Variants in SMARCA4 observed in about 807,000 individuals in gnomAD.
SMARCA4 encodes the protein SWI/SNF related BAF chromatin remodeling complex subunit ATPase 4, also known as SWI/SNF-related matrix-associated actin-dependent regulator of chromatin subfamily A member 4.
A neutral mutation model predicts 193.9 loss-of-function variants in SMARCA4; 31 were observed. That is an observed-to-expected ratio of 0.16 (90% CI 0.12 to 0.22). SMARCA4 has a LOEUF of 0.22. Among genes scored for constraint, SMARCA4 ranks in the 10% least tolerant of loss-of-function variants. The probability of loss-of-function intolerance (pLI) is 1.00; values close to 1 mark genes in which losing one functional copy is unlikely to be tolerated. For missense variants in SMARCA4, 1,148 were observed against 2,296.0 expected (o/e 0.50, Z 10.22); for synonymous variants, 942 against 933.1 (o/e 1.01, Z -0.17).
At position 11,035,114 on chromosome 19, in the gene SMARCA4, G is replaced by T. The variant is rs372620534; in HGVS notation, c.4152G>T (p.Thr1384=). ...RKEVDYSDSL[T]EKQWLKAIEE... is the part of the protein sequence containing the mutation. ...AGGTGGACTACAGCGACTCACTGAC[G>T]GAGAAGCAGTGGCTCAAGGTACATG... The change falls in exon 29 of 35, where the codon ACG becomes ACT. Residue 1384 remains threonine, a synonymous_variant. Transcript: ENST00000344626. 2 of 1,612,526 alleles carry T rather than the reference G, an allele frequency of 1.2e-6. No individual in the cohort carries two copies. The highest frequency in any genetic ancestry group is 1.7e-6 in the Non-Finnish European group (2 of 1,179,748).
intron 32 of SMARCA4, chr19:11,059,221 C>T: frequency 3.0e-6 from 1 of 330,862 alleles, no homozygotes; most frequent in East Asian, 7.0e-5. Flanking sequence ...AAGAAATAGA[C>T]TCAGAGTCCT....
chr19:10,995,997 A>G, intron 9 of SMARCA4: 2 of 635,510 alleles, frequency 3.1e-6, no homozygotes, highest in East Asian at 5.8e-5. Flanking sequence ...TGCTGGCGGG[A>G]CTGTCTGCCT....
chr19:11,052,931 G>A (rs1273558258), intron 30 of SMARCA4, among the ~76,000 whole-genome samples: 6 of 152,182 alleles, frequency 3.9e-5, no homozygotes, highest in Admixed American at 1.3e-4. Flanking sequence ...GCCAGTCCCC[G>A]CCTCGCAGTG....
chr19:11,010,659 C>T, intron 15 of SMARCA4, 128 bp downstream of exon 15: 1 of 874,812 alleles, frequency 1.1e-6, no homozygotes, highest in Non-Finnish European at 1.9e-6. Context: ...ATGCACTCTT[C>T]CCCTCTGAGC....
At chr19:11,015,180 C>G (rs183332195) in intron 16 of SMARCA4, among the ~76,000 whole-genome samples, 45 of 152,296 alleles carry the variant, frequency 3.0e-4, no homozygotes, top group Admixed American at 2.9e-3. Context: ...CCCATCTTCC[C>G]CATTCTTTCA....
In SMARCA4 at chr19:10,984,865, T is replaced by G. The variant is rs113784954; in HGVS notation, c.223-408T>G. Among the ~76,000 whole-genome samples, 47 of 152,208 alleles carry G rather than the reference T, an allele frequency of 3.1e-4. No homozygotes were observed. Among genetic ancestry groups the G allele is most frequent in the Admixed American group, 5.2e-4 (8 of 15,280 alleles). ...TCAGTCAGCAAGGTGGAGAAGGCTC[T>G]TTATGGTCACAAGTCTCTTTTGCAT... On this transcript the variant is annotated intron_variant, in intron 2 of 34. Coordinates refer to ENST00000344626, the MANE Select transcript of SMARCA4 (RefSeq NM_003072.5). The surrounding 1 kb of genome is among the most constrained non-coding windows in gnomAD (Gnocchi z 4.3).
rs371333915 is a variant in SMARCA4, at chr19:11,002,819, A to G, written c.1813-210A>G. 0.046 allele frequency among the ~76,000 whole-genome samples: 7,014 copies of G among 151,106 alleles called. 223 individuals carry two copies. The highest frequency in any genetic ancestry group is 0.1 in the South Asian group (501 of 4,782). On this transcript the variant is annotated intron_variant, in intron 11 of 34. Coordinates refer to ENST00000344626, the MANE Select transcript of SMARCA4 (RefSeq NM_003072.5). ...CGTCTCAAAAAAAAAAAAAAAAAAAAAAGAAGAAACAAGTGTCAGCCAAGG... is the reference window on the plus strand; with the variant it reads ...CGTCTCAAAAAAAAAAAAAAAAAAAGAAGAAGAAACAAGTGTCAGCCAAGG...
At chr19:11,038,120 G>A (rs1223250854) in intron 29 of SMARCA4, among the ~76,000 whole-genome samples, 1 of 152,102 alleles carries the variant, frequency 6.6e-6, no homozygotes, top group Non-Finnish European at 1.5e-5. Context: ...TGCATTCTGG[G>A]CCAGAAGTCT....
Position 11,058,134 on chromosome 19 carries a change from A to G in SMARCA4, c.4425-121A>G. On this transcript the variant is annotated intron_variant, in intron 30 of 34. Coordinates refer to ENST00000344626, the MANE Select transcript of SMARCA4 (RefSeq NM_003072.5). This position sits in a 1 kb window ranked among gnomAD's most constrained non-coding sequence, Gnocchi z 5.8. ...AAAAAAAAAAAGCGCATGTGCAAGA[A>G]ATAGCTCCTGAGCTGAGTTGGAATT... The G allele has an allele frequency of 2.8e-6, 2 of 708,198 alleles. No individual in the cohort carries two copies. The highest frequency in any genetic ancestry group is 1.5e-5 in the South Asian group (1 of 65,324). 43.9% of individuals were successfully genotyped at this position (708,198 alleles called of 1,614,324 possible).
intron 13 of SMARCA4, among the ~76,000 whole-genome samples, chr19:11,004,281 A>C (rs1435247475): frequency 2.3e-5 from 3 of 132,146 alleles, no homozygotes; most frequent in African/African-American, 5.9e-5. Context: ...ACAGAGTCTC[A>C]CTCTATAGCC....
chr19:11,005,659 T>C lies in SMARCA4; in HGVS notation c.2002-2243T>C, dbSNP rs528537802. 3.3e-5 allele frequency among the ~76,000 whole-genome samples: 5 copies of C among 152,300 alleles called. No individual in the cohort carries two copies. The South Asian group carries it at 1.0e-3, about 32-fold the overall frequency. ...ACTGGCTGTGGGCATTGCTTCCTTC[T>C]ACAAGTGACTGAGCCCCTTCCACCT... On this transcript the variant is annotated intron_variant, in intron 13 of 34. Transcript: ENST00000344626.
chr19:10,986,864 T>G lies in SMARCA4; in HGVS notation c.761-41T>G. The G allele has an allele frequency of 6.5e-7, 1 of 1,532,194 alleles. No individual in the cohort carries two copies. The highest frequency in any genetic ancestry group is 9.0e-7 in the Non-Finnish European group (1 of 1,106,022). The allele number at this position is 1,532,194 out of a possible 1,614,324, so 94.9% of individuals were successfully genotyped here. A position where few individuals can be genotyped will look rare whatever the true frequency, so the allele number is the denominator to read the frequency against. ...ACGGGGCTGGGCGCAGGCATAAACCTGGGACGCACTGTTTTCTCTTTTGTT... is the reference window on the plus strand; with the variant it reads ...ACGGGGCTGGGCGCAGGCATAAACCGGGGACGCACTGTTTTCTCTTTTGTT... On this transcript the variant is annotated intron_variant, in intron 4 of 34. Coordinates refer to ENST00000344626, the MANE Select transcript of SMARCA4 (RefSeq NM_003072.5). The surrounding 1 kb of genome is among the most constrained non-coding windows in gnomAD (Gnocchi z 6.7).
Position 11,019,634 on chromosome 19 carries a change from G to T in SMARCA4, c.2549G>T (p.Ser850Ile), listed in dbSNP as rs1394680906. The change falls in exon 18 of 35, where the codon AGT becomes ATT. Residue 850 changes from serine to isoleucine, a missense_variant. Transcript: ENST00000344626. The surrounding 1 kb of genome is among the most constrained non-coding windows in gnomAD (Gnocchi z 6.1). ...CGGGCCTTTGTCCCCCAGCTCCGGA[G>T]TGGGAAGTTCAACGTCTTGCTGACG... Reference protein sequence around the residue: ...ARRAFVPQLRSGKFNVLLTTY... With the variant: ...ARRAFVPQLRIGKFNVLLTTY... 4 of 1,613,496 alleles carry T rather than the reference G, an allele frequency of 2.5e-6. No individual in the cohort carries two copies. Among genetic ancestry groups the T allele is most frequent in the Non-Finnish European group, 3.4e-6 (4 of 1,179,852 alleles).
In SMARCA4 at chr19:11,033,008, C is replaced by T; in HGVS notation, c.3547-282C>T. The T allele has an allele frequency of 1.9e-6, 1 of 538,888 alleles. No individual in the cohort carries two copies. Among genetic ancestry groups the T allele is most frequent in the South Asian group, 2.0e-5 (1 of 50,434 alleles). The allele number at this position is 538,888 out of a possible 1,614,324, so 33.4% of individuals were successfully genotyped here. The stretch of plus-strand genomic sequence containing the variant: ...CACGGGAGCTGCTTGAGAATATAAT[C>T]CCCTGGGGGGTTGGTGCTTTCTTCC... On this transcript the variant is annotated intron_variant, in intron 25 of 34. Coordinates refer to ENST00000344626, the MANE Select transcript of SMARCA4 (RefSeq NM_003072.5). The surrounding 1 kb of genome is among the most constrained non-coding windows in gnomAD (Gnocchi z 9.8).
chr19:10,977,788 C>G (rs1485907746), intron 1 of SMARCA4: 1 of 152,408 alleles, frequency 6.6e-6, no homozygotes, highest in East Asian at 1.9e-4. Flanking sequence ...CTTGGTTTCA[C>G]CAGCTGAGCG....
rs2075454468 is a variant in SMARCA4 at position 11,039,512 on chromosome 19, C to T, written c.4171-1795C>T. 2 of 1,601,992 alleles carry T rather than the reference C, an allele frequency of 1.2e-6. No homozygotes were observed. The highest frequency in any genetic ancestry group is 2.3e-5 in the South Asian group (2 of 88,328). ...AGCCAGCAGTGTGGCACGTGGGCTA[C>T]AATTCCAGCGTGGCCTTCAGTTCTG... On this transcript the variant is annotated intron_variant, in intron 29 of 34. Transcript: ENST00000344626.
chr19:10,990,916 A>G (rs539322195), intron 7 of SMARCA4, among the ~76,000 whole-genome samples: 2 of 152,354 alleles, frequency 1.3e-5, no homozygotes, highest in African/African-American at 4.8e-5. Flanking sequence ...AGGGGAGGCA[A>G]GCTGGAGGTC....
At position 11,060,033 on chromosome 19, in the gene SMARCA4, G is replaced by C. The variant is rs1164249697; in HGVS notation, c.4769-12G>C. On this transcript the variant is annotated splice_polypyrimidine_tract_variant and intron_variant, in intron 33 of 34. Transcript: ENST00000344626. ...GAGCTCAAGGCTGTCTTTCCCTCCCGGTCCCCTCCAGCTCGGTCCGTCAAA... is the reference window on the plus strand; with the variant it reads ...GAGCTCAAGGCTGTCTTTCCCTCCCCGTCCCCTCCAGCTCGGTCCGTCAAA... 1 of 1,578,440 alleles carries C rather than the reference G, an allele frequency of 6.3e-7. No homozygotes were observed. Among genetic ancestry groups the C allele is most frequent in the Non-Finnish European group, 8.6e-7 (1 of 1,162,522 alleles).
Position 10,987,533 on chromosome 19 carries a change from C to T in SMARCA4, c.860-133C>T. On this transcript the variant is annotated intron_variant, in intron 5 of 34. Coordinates refer to ENST00000344626, the MANE Select transcript of SMARCA4 (RefSeq NM_003072.5). The surrounding 1 kb of genome is among the most constrained non-coding windows in gnomAD (Gnocchi z 5.3). ...GCCCAAGGCAGGTGTGAAGGACACC[C>T]CTGGGTGAAAGGTGGGAGATGGGCG... 1 of 1,009,106 alleles carries T rather than the reference C, an allele frequency of 9.9e-7. No individual in the cohort carries two copies. The highest frequency in any genetic ancestry group is 1.5e-6 in the Non-Finnish European group (1 of 655,896). 62.5% of individuals were successfully genotyped at this position (1,009,106 alleles called of 1,614,324 possible).
Sources: gnomAD v4.1 joint callset for allele counts (sites outside exome capture counted in the v4.1 genomes callset) on GRCh38, gnomAD v4.1.1 for gene constraint, Gnocchi (gnomAD v3.1) non-coding constraint, MANE v1.5 for transcripts, NCBI Gene and HGNC (gene_info 2026-07-23, HGNC 2026-07-21) for gene names.